Variants in RBM47 observed in about 807,000 individuals in gnomAD.
RBM47 encodes RNA binding motif protein 47.
A neutral mutation model predicts 47.1 loss-of-function variants in RBM47; 21 were observed. The observed-to-expected ratio is 0.45, with a 90% CI of 0.32 to 0.64. The LOEUF (loss-of-function observed/expected upper bound fraction) is 0.64, where lower values mean the gene tolerates loss of function less well. Among genes scored for constraint, RBM47 ranks in the 30% least tolerant of loss-of-function variants. The pLI, the probability that RBM47 is intolerant of heterozygous loss-of-function variation, is 0.05. For synonymous variants in RBM47, 375 were observed against 361.7 expected, an observed-to-expected ratio of 1.04 and a Z score of -0.42; for missense variants, 708 against 870.9, an observed-to-expected ratio of 0.81 and a Z score of 2.35.
At chr4:40,489,943 C>A (rs142254857) in intron 2 of RBM47, among the ~76,000 whole-genome samples, 5 of 152,202 alleles carry the variant, frequency 3.3e-5, no homozygotes, top group Non-Finnish European at 7.4e-5. Flanking sequence ...GCAACATGAC[C>A]AAGTCTGATT....
intron 1 of RBM47, among the ~76,000 whole-genome samples, chr4:40,557,118 T>C (rs1457585359): frequency 6.6e-6 from 1 of 152,202 alleles, no homozygotes; most frequent in African/African-American, 2.4e-5. Context: ...AAGTAAAAGA[T>C]GCTGATCATT....
chr4:40,610,506 A>C (rs1358308823), intron 1 of RBM47, among the ~76,000 whole-genome samples: 1 of 148,512 alleles, frequency 6.7e-6, no homozygotes, highest in Non-Finnish European at 1.5e-5. Context: ...GCTACTCAGG[A>C]GGCTGAGGCC....
intron 2 of RBM47, among the ~76,000 whole-genome samples, chr4:40,473,040 A>C (rs1719138648): frequency 6.6e-6 from 1 of 152,192 alleles, no homozygotes; most frequent in South Asian, 2.1e-4. Context: ...GAACACAGCC[A>C]AGACCAAGTC....
At chr4:40,528,949 A>ATAAATAAATAAATAAATAAAT (rs57303226) in intron 2 of RBM47, among the ~76,000 whole-genome samples, 1 of 88,594 alleles carries the variant, frequency 1.1e-5, no homozygotes, top group African/African-American at 4.9e-5. Flanking sequence ...TCTCAAAAAA[A>ATAAATAAATAAATAAATAAAT]AAATAAATAA....
At chr4:40,461,662 C>T (rs1275529431) in intron 3 of RBM47, among the ~76,000 whole-genome samples, 1 of 152,170 alleles carries the variant, frequency 6.6e-6, no homozygotes, top group Non-Finnish European at 1.5e-5. Flanking sequence ...GGCACAGTGG[C>T]TCATGCCTGT....
intron 2 of RBM47, among the ~76,000 whole-genome samples, chr4:40,514,211 C>T (rs1313633233): frequency 2.6e-5 from 4 of 152,100 alleles, no homozygotes; most frequent in African/African-American, 9.7e-5. Context: ...AACACAGGAC[C>T]TGGTTCTGAA....
At chr4:40,466,915 AAAGAAAC>A (rs1435746209) in intron 2 of RBM47, among the ~76,000 whole-genome samples, 3 of 152,108 alleles carry the variant, frequency 2.0e-5, no homozygotes, top group Admixed American at 6.5e-5. Flanking sequence ...TCTGATTCTT[AAAGAAAC>A]AAGGAACAGT....
At chr4:40,559,979 T>C (rs1204726292) in intron 1 of RBM47, among the ~76,000 whole-genome samples, 1 of 152,204 alleles carries the variant, frequency 6.6e-6, no homozygotes, top group Non-Finnish European at 1.5e-5. Flanking sequence ...GTTAGAGAGA[T>C]TAGCAAGTAG....
rs191760759 is a variant in RBM47 at position 40,623,319 on chromosome 4, T to C, written c.-240+6077A>G. 1.2e-4 allele frequency among the ~76,000 whole-genome samples: 19 copies of C among 152,366 alleles called. No individual in the cohort carries two copies. In the East Asian group the frequency reaches 3.7e-3, roughly 29 times the overall value. On this transcript the variant is annotated intron_variant, in intron 1 of 6. Transcript: ENST00000295971. ...GGGCTAACTTGTTATTGGATTTCTC[T>C]TTGCTCTGCAAATAGGATTTCACTA... is the stretch of plus-strand genomic sequence containing the variant.
At chr4:40,430,020 C>T (rs373649254) in intron 6 of RBM47, among the ~76,000 whole-genome samples, 32 of 152,014 alleles carry the variant, frequency 2.1e-4, no homozygotes, top group African/African-American at 7.5e-4. Flanking sequence ...GGTGAAACCC[C>T]GTCTCCACTA....
intron 3 of RBM47, among the ~76,000 whole-genome samples, chr4:40,448,032 T>C (rs1245256286): frequency 6.9e-6 from 1 of 144,646 alleles, no homozygotes; most frequent in Non-Finnish European, 1.5e-5. Flanking sequence ...AATAAAAAAA[T>C]AAAAAAACAA....
intron 2 of RBM47, among the ~76,000 whole-genome samples, chr4:40,489,816 G>A (rs752289422): frequency 6.6e-6 from 1 of 152,062 alleles, no homozygotes; most frequent in South Asian, 2.1e-4. Context: ...TCCCACTGAG[G>A]CCAGTATTAC....
chr4:40,576,257 G>GGA (rs1491218631), intron 1 of RBM47, among the ~76,000 whole-genome samples: 2 of 34,812 alleles, frequency 5.7e-5, no homozygotes, highest in African/African-American at 1.2e-4. Flanking sequence ...TTTTTTTTTT[G>GGA]GGGGGGGGCG....
chr4:40,474,595 A>G (rs1719351379), intron 2 of RBM47, among the ~76,000 whole-genome samples: 1 of 152,202 alleles, frequency 6.6e-6, no homozygotes, highest in Non-Finnish European at 1.5e-5. Flanking sequence ...TACAAATTAG[A>G]CCAAAGTAGA....
intron 2 of RBM47, among the ~76,000 whole-genome samples, chr4:40,522,096 C>T (rs1726247368): frequency 6.6e-6 from 1 of 152,222 alleles, no homozygotes; most frequent in African/African-American, 2.4e-5. Context: ...GTTACAGAAT[C>T]ATGCATGGGT....
At chr4:40,560,573 C>A (rs886527062) in intron 1 of RBM47, among the ~76,000 whole-genome samples, 1 of 152,238 alleles carries the variant, frequency 6.6e-6, no homozygotes, top group African/African-American at 2.4e-5. Context: ...GAGGTGACCT[C>A]CCCGACCCTC....
intron 3 of RBM47, among the ~76,000 whole-genome samples, chr4:40,445,779 G>T (rs1004889607): frequency 2.0e-5 from 3 of 152,152 alleles, no homozygotes; most frequent in African/African-American, 7.2e-5. Flanking sequence ...ATATATCAGG[G>T]GTGTCTGGGG....
intron 1 of RBM47, among the ~76,000 whole-genome samples, chr4:40,598,226 C>A (rs1035073672): frequency 6.6e-6 from 1 of 152,094 alleles, no homozygotes; most frequent in African/African-American, 2.4e-5. Context: ...TTACCATTGA[C>A]CCCAATCACA....
chr4:40,615,448 C>T (rs978116778), intron 1 of RBM47, among the ~76,000 whole-genome samples: 1 of 151,932 alleles, frequency 6.6e-6, no homozygotes. Flanking sequence ...GTTCCAGGTA[C>T]ACCTTATACA....
Sources: gnomAD v4.1 joint callset for allele counts (sites outside exome capture counted in the v4.1 genomes callset) on GRCh38, gnomAD v4.1.1 for gene constraint, MANE v1.5 for transcripts, NCBI Gene and HGNC (gene_info 2026-07-23, HGNC 2026-07-21) for gene names.